Variants in RAB11B observed in about 807,000 individuals in gnomAD.
The protein encoded by RAB11B is RAB11B, member RAS oncogene family, also known as ras-related protein Rab-11B.
Under a neutral mutation model 23.7 loss-of-function variants are expected in RAB11B, and 7 were observed. That is an observed-to-expected ratio of 0.29 (90% CI 0.17 to 0.55). The LOEUF is 0.55. RAB11B is among the 20% of genes least tolerant of loss of function. The pLI, the probability that RAB11B is intolerant of heterozygous loss-of-function variation, is 0.93. For missense variants in RAB11B, 189 were observed against 320.0 expected (o/e 0.59, Z 3.12); for synonymous variants, 138 against 132.0 (o/e 1.05, Z -0.31).
intron 1 of RAB11B, 105 bp downstream of exon 1, chr19:8,390,561 C>T: frequency 4.1e-6 from 5 of 1,226,014 alleles, no homozygotes; most frequent in Non-Finnish European, 5.2e-6. Flanking sequence ...GAGCCCGGGG[C>T]TTGGGGCCCG....
At chr19:8,400,641 C>T (rs1360199406) in intron 2 of RAB11B, among the ~76,000 whole-genome samples, 1 of 151,664 alleles carries the variant, frequency 6.6e-6, no homozygotes, top group Admixed American at 6.6e-5. Flanking sequence ...GGCTGGAGTG[C>T]GATGGCACGA....
At chr19:8,402,905 C>G in intron 4 of RAB11B, 1 of 470,642 alleles carries the variant, frequency 2.1e-6, no homozygotes, top group South Asian at 2.6e-5. Context: ...TCAAGTGATC[C>G]TCCTGCCTCA....
chr19:8,390,655 C>A, intron 1 of RAB11B, 199 bp downstream of exon 1: 1 of 505,834 alleles, frequency 2.0e-6, no homozygotes, highest in Non-Finnish European at 3.1e-6. Context: ...GAGCCGGAGG[C>A]CCGGAGAGAC....
intron 4 of RAB11B, chr19:8,402,896 C>A (rs916776269): frequency 6.3e-6 from 3 of 478,118 alleles, no homozygotes; most frequent in Non-Finnish European, 1.1e-5. Context: ...CTCCTGGGCT[C>A]AAGTGATCCT....
At chr19:8,402,041 C>T in intron 2 of RAB11B, 45 bp from the exon 3 acceptor site, 1 of 1,518,886 alleles carries the variant, frequency 6.6e-7, no homozygotes, top group Non-Finnish European at 8.9e-7. Context: ...CTGCCGCTGC[C>T]CATGGTTGTC....
rs1971445626 is a variant in RAB11B, at chr19:8,402,413, G to A, written c.431-72G>A. 8 of 1,566,480 alleles carry A rather than the reference G, an allele frequency of 5.1e-6. No homozygotes were observed. In the East Asian group the frequency reaches 6.7e-5, roughly 13 times the overall value. ...CTTGGGATGGGCCAGGTGGGTGGGCGGGGTCCCTGAGAGCATGTGGGAGCC... is the reference window on the plus strand; with the variant it reads ...CTTGGGATGGGCCAGGTGGGTGGGCAGGGTCCCTGAGAGCATGTGGGAGCC... On this transcript the variant is annotated intron_variant, in intron 3 of 4. Coordinates refer to ENST00000328024, the MANE Select transcript of RAB11B (RefSeq NM_004218.4).
At chr19:8,390,684 G>A in intron 1 of RAB11B, 1 of 419,642 alleles carries the variant, frequency 2.4e-6, no homozygotes, top group Non-Finnish European at 4.0e-6. Context: ...CCTAGGACGC[G>A]CCGGGGCGGG....
At position 8,400,198 on chromosome 19, in the gene RAB11B, CG is replaced by C; in HGVS notation, c.236+141del. ...AGACCAGGGAGTGAGGCTGGAAGAA[CG>C]CTTTAGCCATGCGCCGTGGGACCCT... On this transcript the variant is annotated intron_variant, in intron 2 of 4. Coordinates refer to ENST00000328024, the MANE Select transcript of RAB11B (RefSeq NM_004218.4). The C allele has an allele frequency of 2.7e-6, 3 of 1,111,462 alleles. No individual in the cohort carries two copies. The South Asian group carries it at 4.5e-5, about 17-fold the overall frequency. The allele number at this position is 1,111,462 out of a possible 1,614,324, so 68.8% of individuals were successfully genotyped here.
At chr19:8,398,781 G>A (rs150629206) in intron 1 of RAB11B, among the ~76,000 whole-genome samples, 226 of 152,088 alleles carry the variant, frequency 1.5e-3, no homozygotes, top group Non-Finnish European at 1.6e-3. Context: ...CTTCCTGTGC[G>A]ATGCCTGCTC....
intron 4 of RAB11B, 43 bp from the exon 5 acceptor site, chr19:8,403,370 C>A (rs1198181581): frequency 1.3e-6 from 2 of 1,579,790 alleles, no homozygotes; most frequent in Non-Finnish European, 1.7e-6. Flanking sequence ...GCAGGCAGGG[C>A]ACGTGCTGGC....
intron 1 of RAB11B, among the ~76,000 whole-genome samples, chr19:8,398,192 C>T (rs1335701391): frequency 2.6e-5 from 4 of 152,178 alleles, no homozygotes; most frequent in Non-Finnish European, 5.9e-5. Context: ...CAGGCACCTG[C>T]TCTGCTCAGG....
intron 3 of RAB11B, 67 bp from the exon 4 acceptor site, chr19:8,402,418 C>T: frequency 6.4e-7 from 1 of 1,570,710 alleles, no homozygotes; most frequent in East Asian, 2.2e-5. Flanking sequence ...TGGGCGGGGT[C>T]CCTGAGAGCA....
intron 2 of RAB11B, among the ~76,000 whole-genome samples, chr19:8,401,244 C>G (rs977548049): frequency 6.6e-6 from 1 of 151,674 alleles, no homozygotes; most frequent in Non-Finnish European, 1.5e-5. Flanking sequence ...CCACGCCTGG[C>G]TAATTTTTTG....
At chr19:8,402,386 G>T in intron 3 of RAB11B, 99 bp from the exon 4 acceptor site, 1 of 1,548,874 alleles carries the variant, frequency 6.5e-7, no homozygotes. Flanking sequence ...CTGAGGAGTG[G>T]CCTTGGGATG....
At chr19:8,394,681 A>T (rs2913974) in intron 1 of RAB11B, among the ~76,000 whole-genome samples, 3 of 152,052 alleles carry the variant, frequency 2.0e-5, no homozygotes, top group Middle Eastern at 6.8e-3. Context: ...CTGGAATCCT[A>T]GTACTTTGGA....
chr19:8,401,886 A>G (rs1971440317), intron 2 of RAB11B, among the ~76,000 whole-genome samples, 200 bp from the exon 3 acceptor site: 1 of 152,100 alleles, frequency 6.6e-6, no homozygotes, highest in South Asian at 2.1e-4. Flanking sequence ...CTCCCTCCTC[A>G]GACCCCCACA....
intron 1 of RAB11B, among the ~76,000 whole-genome samples, chr19:8,392,207 G>T (rs2145505780): frequency 6.6e-6 from 1 of 152,148 alleles, no homozygotes; most frequent in South Asian, 2.1e-4. Flanking sequence ...GCCCCATCCA[G>T]GTTTCTGTGG....
At chr19:8,394,024 T>A (rs1026310331) in intron 1 of RAB11B, among the ~76,000 whole-genome samples, 15 of 152,220 alleles carry the variant, frequency 9.9e-5, no homozygotes, top group African/African-American at 3.6e-4. Context: ...CAAGGGCTCT[T>A]TATTTCCCCA....
chr19:8,402,883 G>A (rs1288030372), intron 4 of RAB11B: 6 of 502,814 alleles, frequency 1.2e-5, no homozygotes, highest in South Asian at 2.6e-5. Flanking sequence ...GGTTGATCTC[G>A]AACTCCTGGG....
Sources: allele counts gnomAD v4.1 joint callset (sites outside exome capture counted in the v4.1 genomes callset), GRCh38; gene constraint gnomAD v4.1.1; transcripts MANE v1.5; gene names NCBI Gene and HGNC (gene_info 2026-07-23, HGNC 2026-07-21).